LRRTM4: variants seen among roughly 807,000 people sequenced by gnomAD.
The protein encoded by LRRTM4 is leucine rich repeat transmembrane neuronal 4.
Under a neutral mutation model 47.6 loss-of-function variants are expected in LRRTM4, and 25 were observed. That is an observed-to-expected ratio of 0.53 (90% CI 0.38 to 0.73). The LOEUF is 0.73. LRRTM4 is among the 30% of genes least tolerant of loss of function. The pLI is 0.00. For missense variants in LRRTM4, 638 were observed against 713.4 expected (o/e 0.89, Z 1.20); for synonymous variants, 311 against 269.5 (o/e 1.15, Z -1.51).
chr2:77,429,229 A>G (rs1013595083), intron 3 of LRRTM4, among the ~76,000 whole-genome samples: 1 of 152,170 alleles, frequency 6.6e-6, no homozygotes, highest in Admixed American at 6.5e-5. Flanking sequence ...ACAACTCCAG[A>G]TACGGAATAA....
chr2:77,112,837 G>GCAA (rs1671286280), intron 3 of LRRTM4, among the ~76,000 whole-genome samples: 1 of 152,080 alleles, frequency 6.6e-6, no homozygotes, highest in Non-Finnish European at 1.5e-5. Flanking sequence ...ATATATGCAG[G>GCAA]CAACACCTCC....
At chr2:76,804,765 T>C (rs1675883967) in intron 3 of LRRTM4, among the ~76,000 whole-genome samples, 1 of 149,148 alleles carries the variant, frequency 6.7e-6, no homozygotes, top group Admixed American at 6.7e-5. Flanking sequence ...TTTATAACAA[T>C]ATATATATCA....
intron 3 of LRRTM4, among the ~76,000 whole-genome samples, chr2:76,954,556 A>G (rs1010170238): frequency 6.6e-5 from 10 of 151,774 alleles, no homozygotes; most frequent in African/African-American, 2.4e-4. Flanking sequence ...TCTAAAGTAT[A>G]CCATCAAATG....
At chr2:76,749,141 A>C (rs1424175611) in intron 3 of LRRTM4, among the ~76,000 whole-genome samples, 1 of 152,222 alleles carries the variant, frequency 6.6e-6, no homozygotes, top group African/African-American at 2.4e-5. Flanking sequence ...GTATCTTTCA[A>C]CTTTTCATTG....
At chr2:76,793,192 C>G (rs779505157) in intron 3 of LRRTM4, among the ~76,000 whole-genome samples, 196 of 152,206 alleles carry the variant, frequency 1.3e-3, no homozygotes, top group African/African-American at 1.5e-3. Context: ...TATTTATACT[C>G]TAGGTTTTAC....
intron 3 of LRRTM4, among the ~76,000 whole-genome samples, chr2:76,804,711 T>C (rs1169175833): frequency 6.8e-6 from 1 of 148,028 alleles, no homozygotes; most frequent in Non-Finnish European, 1.5e-5. Context: ...CATTGATGTA[T>C]ATATAAAACA....
chr2:76,816,583 CTG>C (rs895122319), intron 3 of LRRTM4, among the ~76,000 whole-genome samples: 113 of 151,128 alleles, frequency 7.5e-4, no homozygotes, highest in African/African-American at 2.4e-3. Flanking sequence ...TTTTTGGAAT[CTG>C]TATTTTTAAA....
intron 3 of LRRTM4, among the ~76,000 whole-genome samples, chr2:77,103,667 A>ATATCTATATATC (rs1553389713): frequency 3.4e-5 from 5 of 146,274 alleles, no homozygotes; most frequent in Non-Finnish European, 7.4e-5. Context: ...ATATATAGAT[A>ATATCTATATATC]TATATATCAC....
chr2:77,480,344 C>T lies in LRRTM4; in HGVS notation c.1551+37974G>A, dbSNP rs112195916. On this transcript the variant is annotated intron_variant, in intron 3 of 3. Coordinates refer to ENST00000409884, the MANE Select transcript of LRRTM4 (RefSeq NM_001134745.3). Reference sequence around the variant, plus strand: ...GATTATTTTCAGCTGATTCAATAGGCATTCACTCTTCATTAGAAATGCTTT... The same window carrying T: ...GATTATTTTCAGCTGATTCAATAGGTATTCACTCTTCATTAGAAATGCTTT... 4.6e-5 allele frequency among the ~76,000 whole-genome samples: 7 copies of T among 152,284 alleles called. 1 individual carries two copies. Among genetic ancestry groups the T allele is most frequent in the Admixed American group, 2.0e-4 (3 of 15,294 alleles).
intron 3 of LRRTM4, among the ~76,000 whole-genome samples, chr2:77,415,070 T>G (rs1236420005): frequency 6.6e-6 from 1 of 152,212 alleles, no homozygotes; most frequent in African/African-American, 2.4e-5. Flanking sequence ...ATTATAATTC[T>G]AAATTGTACT....
chr2:76,993,080 T>G (rs1558783951), intron 3 of LRRTM4, among the ~76,000 whole-genome samples: 1 of 151,806 alleles, frequency 6.6e-6, no homozygotes, highest in African/African-American at 2.4e-5. Context: ...TCTGAAAGAA[T>G]AAAACTGGAC....
At chr2:77,138,561 A>G (rs867219750) in intron 3 of LRRTM4, among the ~76,000 whole-genome samples, 1 of 152,220 alleles carries the variant, frequency 6.6e-6, no homozygotes, top group African/African-American at 2.4e-5. Flanking sequence ...AATTAAAAAG[A>G]GCTAAAGAAG....
At chr2:77,279,893 T>A (rs1350010342) in intron 3 of LRRTM4, among the ~76,000 whole-genome samples, 1 of 151,956 alleles carries the variant, frequency 6.6e-6, no homozygotes. Context: ...AATACTTGTC[T>A]TAGAATTTCA....
intron 3 of LRRTM4, among the ~76,000 whole-genome samples, chr2:77,162,208 G>T (rs1672749026): frequency 6.6e-6 from 1 of 152,188 alleles, no homozygotes; most frequent in Non-Finnish European, 1.5e-5. Context: ...CACACCCACG[G>T]AGCCTCGCTC....
At chr2:77,215,589 A>G (rs1237811185) in intron 3 of LRRTM4, among the ~76,000 whole-genome samples, 3 of 152,194 alleles carry the variant, frequency 2.0e-5, no homozygotes, top group Admixed American at 1.3e-4. Flanking sequence ...ACTTAGGGCA[A>G]AAATATATTG....
intron 3 of LRRTM4, among the ~76,000 whole-genome samples, chr2:77,267,892 GA>G (rs1676090463): frequency 6.6e-6 from 1 of 152,120 alleles, no homozygotes; most frequent in Non-Finnish European, 1.5e-5. Context: ...AACATGTTCA[GA>G]AGGGAAAAAC....
At chr2:77,278,201 C>T (rs1185333270) in intron 3 of LRRTM4, among the ~76,000 whole-genome samples, 1 of 151,954 alleles carries the variant, frequency 6.6e-6, no homozygotes, top group Non-Finnish European at 1.5e-5. Flanking sequence ...ACAATGTCAC[C>T]ATGGGCAAAG....
intron 3 of LRRTM4, among the ~76,000 whole-genome samples, chr2:77,441,311 A>G (rs962063138): frequency 1.6e-4 from 25 of 152,224 alleles, no homozygotes; most frequent in Non-Finnish European, 5.9e-5. Context: ...TCATCTTTGA[A>G]GATGCTCAAA....
intron 3 of LRRTM4, among the ~76,000 whole-genome samples, chr2:77,284,226 C>A (rs930685723): frequency 6.6e-6 from 1 of 152,136 alleles, no homozygotes; most frequent in Non-Finnish European, 1.5e-5. Context: ...AGGATGTACA[C>A]CTATGGTCAT....
Sources: allele counts gnomAD v4.1 joint callset (sites outside exome capture counted in the v4.1 genomes callset), GRCh38; gene constraint gnomAD v4.1.1; transcripts MANE v1.5; gene names NCBI Gene and HGNC (gene_info 2026-07-23, HGNC 2026-07-21).